Variants in DLG2 observed in about 807,000 individuals in gnomAD.
DLG2 encodes discs large MAGUK scaffold protein 2, also known as disks large homolog 2.
Under a neutral mutation model 132.5 loss-of-function variants are expected in DLG2, and 45 were observed. That is an observed-to-expected ratio of 0.34 (90% CI 0.27 to 0.44). The LOEUF is 0.44. Among genes scored for constraint, DLG2 ranks in the 20% least tolerant of loss-of-function variants. DLG2 has a pLI of 1.00. For synonymous variants in DLG2, 424 were observed against 419.6 expected, an observed-to-expected ratio of 1.01 and a Z score of -0.13; for missense variants, 1,045 against 1,196.9, an observed-to-expected ratio of 0.87 and a Z score of 1.87.
chr11:85,497,071 G>A, intron 3 of DLG2, among the ~76,000 whole-genome samples: 1 of 152,030 alleles, frequency 6.6e-6, no homozygotes. Flanking sequence ...ATGAGATGGA[G>A]AATGAGTTTG....
intron 9 of DLG2, among the ~76,000 whole-genome samples, chr11:84,149,607 T>G (rs572417184): frequency 1.3e-5 from 2 of 152,342 alleles, no homozygotes; most frequent in South Asian, 4.1e-4. Flanking sequence ...CCATGCTATT[T>G]GGTTTCTGTA....
At chr11:84,852,081 T>C (rs1372059418) in intron 6 of DLG2, among the ~76,000 whole-genome samples, 1 of 152,048 alleles carries the variant, frequency 6.6e-6, no homozygotes, top group African/African-American at 2.4e-5. Context: ...CAGATCTATA[T>C]TTACCTTTTG....
At chr11:84,279,363 G>C (rs1350641436) in intron 7 of DLG2, among the ~76,000 whole-genome samples, 8 of 152,180 alleles carry the variant, frequency 5.3e-5, no homozygotes, top group African/African-American at 1.7e-4. Flanking sequence ...GTTGGTGGGA[G>C]TGTAAATTAA....
chr11:83,611,915 G>A (rs552305728), intron 19 of DLG2, among the ~76,000 whole-genome samples: 3 of 148,372 alleles, frequency 2.0e-5, no homozygotes, highest in African/African-American at 5.3e-5. Flanking sequence ...GCTTTTGAAG[G>A]GGGGGCAACT....
intron 6 of DLG2, among the ~76,000 whole-genome samples, chr11:84,918,170 G>T (rs2092581751): frequency 6.6e-6 from 1 of 152,000 alleles, no homozygotes; most frequent in Non-Finnish European, 1.5e-5. Context: ...TAAACTGTAA[G>T]GAAAAAATCA....
chr11:83,828,384 C>T (rs1324204404), intron 17 of DLG2, among the ~76,000 whole-genome samples: 1 of 152,192 alleles, frequency 6.6e-6, no homozygotes, highest in African/African-American at 2.4e-5. Flanking sequence ...CACAGCCAGA[C>T]TCCGTCACAA....
chr11:83,694,628 G>T (rs368350206), intron 18 of DLG2, among the ~76,000 whole-genome samples: 2 of 152,102 alleles, frequency 1.3e-5, no homozygotes, highest in African/African-American at 4.8e-5. Flanking sequence ...TCAACCTCAC[G>T]GTCCCATTGT....
intron 19 of DLG2, among the ~76,000 whole-genome samples, chr11:83,565,172 G>T (rs2096683629): frequency 6.6e-6 from 1 of 152,104 alleles, no homozygotes; most frequent in Non-Finnish European, 1.5e-5. Flanking sequence ...TCAGTACTCT[G>T]TTACTGAGTA....
chr11:85,097,565 G>A (rs2070078714), intron 6 of DLG2, among the ~76,000 whole-genome samples: 1 of 152,206 alleles, frequency 6.6e-6, no homozygotes, highest in Admixed American at 6.5e-5. Flanking sequence ...AGGTTGCAAT[G>A]AAAAACTAGC....
chr11:83,967,377 C>G (rs1009458566), intron 12 of DLG2, among the ~76,000 whole-genome samples: 1 of 152,112 alleles, frequency 6.6e-6, no homozygotes, highest in African/African-American at 2.4e-5. Flanking sequence ...TCCCTTTTCT[C>G]CACATCCTCA....
intron 9 of DLG2, among the ~76,000 whole-genome samples, chr11:84,117,457 T>C (rs138325939): frequency 9.8e-5 from 15 of 152,340 alleles, no homozygotes; most frequent in African/African-American, 3.6e-4. Flanking sequence ...TCTGGGCTTT[T>C]CTCATCTCCC....
At chr11:85,340,746 T>C (rs533343269) in intron 3 of DLG2, among the ~76,000 whole-genome samples, 12 of 152,318 alleles carry the variant, frequency 7.9e-5, no homozygotes, top group South Asian at 6.2e-4. Flanking sequence ...TTGTTTATGG[T>C]GTTAGTTGTC....
intron 6 of DLG2, among the ~76,000 whole-genome samples, chr11:85,020,495 T>C (rs1173687841): frequency 6.6e-6 from 1 of 152,206 alleles, no homozygotes; most frequent in Non-Finnish European, 1.5e-5. Flanking sequence ...TTGGCTTTTG[T>C]TCCCATTGCT....
intron 6 of DLG2, among the ~76,000 whole-genome samples, chr11:84,591,320 T>G (rs531873717): frequency 6.6e-6 from 1 of 151,560 alleles, no homozygotes; most frequent in Admixed American, 6.6e-5. Context: ...CCTTGTTTTT[T>G]TTTTTTTGTT....
chr11:84,358,362 TA>T (rs1381312538), intron 7 of DLG2, among the ~76,000 whole-genome samples: 4 of 143,274 alleles, frequency 2.8e-5, no homozygotes, highest in Admixed American at 6.9e-5. Context: ...CAAGTCCCAG[TA>T]TTTTTTTTTT....
intron 7 of DLG2, among the ~76,000 whole-genome samples, chr11:84,296,329 AAC>A (rs2098088094): frequency 6.6e-6 from 1 of 152,192 alleles, no homozygotes; most frequent in East Asian, 1.9e-4. Flanking sequence ...AATTGTGAGA[AAC>A]AGACAGGATT....
At chr11:85,272,646 G>C (rs1485484142) in intron 4 of DLG2, among the ~76,000 whole-genome samples, 1 of 152,088 alleles carries the variant, frequency 6.6e-6, no homozygotes, top group Non-Finnish European at 1.5e-5. Context: ...CTCATGGATA[G>C]GAAGAATCAA....
intron 6 of DLG2, among the ~76,000 whole-genome samples, chr11:84,961,523 T>G (rs2052563522): frequency 8.5e-6 from 1 of 118,158 alleles, no homozygotes; most frequent in African/African-American, 3.8e-5. Context: ...AAGAATTGTA[T>G]CTTTGTGTGT....
At chr11:84,278,052 T>C (rs989643647) in intron 7 of DLG2, among the ~76,000 whole-genome samples, 2 of 146,116 alleles carry the variant, frequency 1.4e-5, no homozygotes, top group Admixed American at 6.8e-5. Flanking sequence ...GCTAAGTTTT[T>C]TTTTTTTTTT....
Sources: gnomAD v4.1 joint callset for allele counts (sites outside exome capture counted in the v4.1 genomes callset) on GRCh38, gnomAD v4.1.1 for gene constraint, MANE v1.5 for transcripts, NCBI Gene and HGNC (gene_info 2026-07-23, HGNC 2026-07-21) for gene names.